The following MYO7B variants were observed in gnomAD, a reference collection of about 807,000 sequenced individuals.
The protein encoded by MYO7B is unconventional myosin-VIIb.
Under a neutral mutation model 259.7 loss-of-function variants are expected in MYO7B, and 212 were observed. That is an observed-to-expected ratio of 0.82 (90% CI 0.73 to 0.91). The LOEUF (loss-of-function observed/expected upper bound fraction) is 0.91, where lower values mean the gene tolerates loss of function less well. MYO7B is among the 40% of genes least tolerant of loss of function. MYO7B has a pLI of 0.00. For missense variants in MYO7B, 2,732 were observed against 2,813.5 expected, an observed-to-expected ratio of 0.97 and a Z score of 0.66; for synonymous variants, 1,197 against 1,166.4, an observed-to-expected ratio of 1.03 and a Z score of -0.54.
intron 40 of MYO7B, 114 bp from the exon 41 acceptor site, chr2:127,634,062 C>A: frequency 1.2e-6 from 1 of 815,196 alleles, no homozygotes; most frequent in Non-Finnish European, 2.0e-6. Flanking sequence ...CAGGGCAGAC[C>A]ACATCCAACC....
intron 12 of MYO7B, among the ~76,000 whole-genome samples, chr2:127,583,782 T>C (rs1433942518): frequency 6.6e-6 from 1 of 152,138 alleles, no homozygotes; most frequent in African/African-American, 2.4e-5. Context: ...TGGTGTGCAC[T>C]CAGACCACAA....
At chr2:127,629,590 G>C in intron 34 of MYO7B, 55 bp from the exon 35 acceptor site, 2 of 1,533,730 alleles carry the variant, frequency 1.3e-6, no homozygotes, top group Non-Finnish European at 1.8e-6. Context: ...CAAAATTCCA[G>C]CACAGCCTCT....
At chr2:127,635,314 C>CTG in intron 43 of MYO7B, 88 bp downstream of exon 43, 4 of 1,281,130 alleles carry the variant, frequency 3.1e-6, no homozygotes, top group Non-Finnish European at 3.3e-6. Context: ...CAGGCCAGGG[C>CTG]AGGGCCAGCC....
chr2:127,623,823 C>T (rs910893955), intron 29 of MYO7B, among the ~76,000 whole-genome samples: 4 of 152,198 alleles, frequency 2.6e-5, no homozygotes, highest in African/African-American at 7.2e-5. Flanking sequence ...GTCATCCAAC[C>T]GAGGCGCCGG....
intron 1 of MYO7B, among the ~76,000 whole-genome samples, chr2:127,554,267 T>G (rs549267351): frequency 6.6e-6 from 1 of 152,166 alleles, no homozygotes; most frequent in East Asian, 1.9e-4. Context: ...AGAGACAGGG[T>G]TTCTCCATGT....
intron 5 of MYO7B, 77 bp downstream of exon 5, chr2:127,566,904 C>A: frequency 1.4e-6 from 2 of 1,467,050 alleles, no homozygotes; most frequent in Non-Finnish European, 1.8e-6. Context: ...CAAGATCAGG[C>A]GAGATGAGAG....
At chr2:127,587,320 G>A (rs1679342810) in intron 14 of MYO7B, among the ~76,000 whole-genome samples, 1 of 152,134 alleles carries the variant, frequency 6.6e-6, no homozygotes, top group African/African-American at 2.4e-5. Context: ...CTCACCCGCT[G>A]GAGCCATGCC....
intron 2 of MYO7B, among the ~76,000 whole-genome samples, chr2:127,560,204 T>C (rs1268948791): frequency 6.6e-6 from 1 of 151,994 alleles, no homozygotes; most frequent in Non-Finnish European, 1.5e-5. Flanking sequence ...TTTTTGTATT[T>C]TTGTAGGGAG....
At chr2:127,612,391 A>T in intron 25 of MYO7B, 64 bp downstream of exon 25, 1 of 1,536,734 alleles carries the variant, frequency 6.5e-7, no homozygotes, top group Non-Finnish European at 8.8e-7. Context: ...GTTCCAGTCT[A>T]TTGCTTCCCT....
At chr2:127,595,243 A>C (rs960904431) in intron 18 of MYO7B, among the ~76,000 whole-genome samples, 8 of 151,914 alleles carry the variant, frequency 5.3e-5, no homozygotes, top group Middle Eastern at 3.2e-3. Flanking sequence ...TACATTTTCT[A>C]GTTTATTTGC....
Position 127,637,516 on chromosome 2 carries a change from A to G in MYO7B, c.*99A>G, listed in dbSNP as rs1681919989. 9.8e-6 allele frequency: 9 copies of G among 919,534 alleles called. No homozygotes were observed. Among genetic ancestry groups the G allele is most frequent in the Non-Finnish European group, 1.4e-5 (9 of 629,072 alleles). 57.0% of individuals were successfully genotyped at this position (919,534 alleles called of 1,614,324 possible). ...AACCCAGGGCCTGTCCTTGGCGGGC[A>G]GCCTTCCATGCTGCCCCCCATACAA... On this transcript the variant is annotated 3_prime_UTR_variant, in exon 48 of 48. Coordinates refer to ENST00000409816, the MANE Select transcript of MYO7B (RefSeq NM_001393586.1).
rs1226787263 is a variant in MYO7B at position 127,615,177 on chromosome 2, C to T, written c.3398+2574C>T. On this transcript the variant is annotated intron_variant, in intron 26 of 47. Transcript: ENST00000409816. This position sits in a 1 kb window ranked among gnomAD's most constrained non-coding sequence, Gnocchi z 4.4. Reference sequence around the variant, plus strand: ...AGGTCTGTTCAGGGCCCCACAGGTGCACCAAGGAGGAGTGGCCTTAGTGCC... The same window carrying T: ...AGGTCTGTTCAGGGCCCCACAGGTGTACCAAGGAGGAGTGGCCTTAGTGCC... 6.6e-6 allele frequency among the ~76,000 whole-genome samples: 1 copy of T among 152,138 alleles called. No individual in the cohort carries two copies. Among genetic ancestry groups the T allele is most frequent in the Non-Finnish European group, 1.5e-5 (1 of 68,024 alleles).
chr2:127,634,356 T>C (rs1249185091), intron 41 of MYO7B, 67 bp downstream of exon 41: 1 of 1,241,164 alleles, frequency 8.1e-7, no homozygotes, highest in Admixed American at 2.6e-5. Context: ...AGGTGCTGCC[T>C]GTGGGGGCCT....
At chr2:127,605,986 AAGAC>A (rs1318846071) in intron 20 of MYO7B, 58 bp downstream of exon 20, 12 of 1,413,202 alleles carry the variant, frequency 8.5e-6, no homozygotes, top group Non-Finnish European at 1.2e-5. Context: ...TGTCCAGTAA[AAGAC>A]AGATTTGTAA....
rs1025194272 is a variant in MYO7B, at chr2:127,574,050, G to A, written c.723G>A (p.Arg241=). 6.2e-7 allele frequency: 1 copy of A among 1,613,946 alleles called. No individual in the cohort carries two copies. ...RIEQFLLEKS[R]VCRQAPEERN... is the part of the protein sequence containing the mutation. ...AGCAATTTCTCCTGGAGAAGTCCCG[G>A]GTCTGCCGGCAGGTGAGGCCTCCCC... Residue 241 remains arginine (R), a synonymous_variant, in exon 7 of 48, where the codon CGG becomes CGA. Coordinates refer to ENST00000409816, the MANE Select transcript of MYO7B (RefSeq NM_001393586.1).
chr2:127,550,590 G>T (rs1023142970), intron 1 of MYO7B, among the ~76,000 whole-genome samples: 62 of 151,054 alleles, frequency 4.1e-4, no homozygotes, highest in African/African-American at 1.5e-3. Flanking sequence ...AGGAGATTTA[G>T]TGGTGCCCCA....
At position 127,634,671 on chromosome 2, in the gene MYO7B, C is replaced by A. The variant is rs757784779; in HGVS notation, c.5701C>A (p.Pro1901Thr). The A allele has an allele frequency of 1.2e-5, 19 of 1,610,652 alleles. No homozygotes were observed. The highest frequency in any genetic ancestry group is 1.5e-5 in the Non-Finnish European group (18 of 1,179,112). The change falls in exon 42 of 48, where the codon CCC becomes ACC. Residue 1901 changes from proline to threonine, a missense_variant. Pro to Thr is a conservative substitution (Grantham distance 38). This residue lies in a region of MYO7B where 821 missense variants were observed against 769.3 expected (regional missense o/e 1.07). Transcript: ENST00000409816. Reference protein sequence around the residue: ...EVSDWVKKNKPQKEGAPVTLP... With the variant: ...EVSDWVKKNKTQKEGAPVTLP... ...GTCTGACTGGGTGAAGAAGAACAAG[C>A]CCCAGAAAGAAGGTGAGGAGGCCTC...
rs1229491250 is a variant in MYO7B, at chr2:127,609,870, G to A, written c.3046G>A (p.Val1016Ile). ...CCAGGCCGCCCTGGTCATATGGAAC[G>A]TCATCCTGAGGTTCATGGGTGATCT... ...DCLAALVIWN[V>I]ILRFMGDLPE... is the part of the protein sequence containing the mutation. The change falls in exon 24 of 48, where the codon GTC becomes ATC. Residue 1016 changes from valine to isoleucine, a missense_variant. Coordinates refer to ENST00000409816, the MANE Select transcript of MYO7B (RefSeq NM_001393586.1). This position sits in a 1 kb window ranked among gnomAD's most constrained non-coding sequence, Gnocchi z 6.9. 17 of 1,612,900 alleles carry A rather than the reference G, an allele frequency of 1.1e-5. No individual in the cohort carries two copies. Among genetic ancestry groups the A allele is most frequent in the Middle Eastern group, 1.6e-4 (1 of 6,084 alleles).
At position 127,631,308 on chromosome 2, in the gene MYO7B, C is replaced by G; in HGVS notation, c.5040C>G (p.Leu1680=). 1.2e-6 allele frequency: 2 copies of G among 1,612,284 alleles called. No individual in the cohort carries two copies. The highest frequency in any genetic ancestry group is 8.5e-7 in the Non-Finnish European group (1 of 1,179,348). Residue 1680 remains leucine, a synonymous_variant, in exon 37 of 48, where the codon CTC becomes CTG. Transcript: ENST00000409816. ...GCGAGCCGCTGCGACAGCCGCTGCT[C>G]AAGCGAGTCCACGCCAACGTCGACC... is the stretch of plus-strand genomic sequence containing the variant. ...YSCEPLRQPL[L]KRVHANVDLW... is the part of the protein sequence containing the mutation.
Sources: gnomAD v4.1 joint callset for allele counts (sites outside exome capture counted in the v4.1 genomes callset) on GRCh38, gnomAD v4.1.1 for gene constraint, gnomAD v4.1.1 regional missense constraint, Gnocchi (gnomAD v3.1) non-coding constraint, MANE v1.5 for transcripts, NCBI Gene and HGNC (gene_info 2026-07-23, HGNC 2026-07-21) for gene names.